PPP2R3A: variants seen among roughly 807,000 people sequenced by gnomAD.
The protein encoded by PPP2R3A is serine/threonine-protein phosphatase 2A regulatory subunit B'' subunit alpha.
In PPP2R3A, 80 loss-of-function variants were observed where a neutral mutation model predicts 106.9. The ratio of observed to expected loss-of-function variants is 0.75; its 90% CI spans 0.62 to 0.90. The LOEUF is 0.90. Ranked by LOEUF, PPP2R3A falls within the 40% of genes least tolerant of loss-of-function variation. The pLI is 0.00. For synonymous variants in PPP2R3A, 483 were observed against 468.3 expected (o/e 1.03, Z -0.41); for missense variants, 1,386 against 1,350.4 (o/e 1.03, Z -0.41).
chr3:136,030,101 C>A (rs1378097408), intron 3 of PPP2R3A, among the ~76,000 whole-genome samples: 4 of 151,966 alleles, frequency 2.6e-5, no homozygotes, highest in Non-Finnish European at 5.9e-5. Flanking sequence ...GCCTGTGGTC[C>A]TAGCTACTCA....
intron 13 of PPP2R3A, among the ~76,000 whole-genome samples, chr3:136,120,053 A>T (rs980483952): frequency 2.0e-5 from 3 of 150,466 alleles, no homozygotes; most frequent in African/African-American, 7.4e-5. Context: ...CGTCCTTTGC[A>T]GGGACATGGA....
At chr3:136,067,913 C>G (rs1936309390) in intron 5 of PPP2R3A, among the ~76,000 whole-genome samples, 1 of 152,012 alleles carries the variant, frequency 6.6e-6, no homozygotes, top group Non-Finnish European at 1.5e-5. Flanking sequence ...TATGAAAGTC[C>G]CCATAAAAAC....
Position 136,075,683 on chromosome 3 carries a change from A to G in PPP2R3A, c.2545-2684A>G, listed in dbSNP as rs533159539. Among the ~76,000 whole-genome samples, 570 of 152,318 alleles carry G rather than the reference A, an allele frequency of 3.7e-3. 1 individual carries two copies. The highest frequency in any genetic ancestry group is 0.01 in the Middle Eastern group (3 of 294). On this transcript the variant is annotated intron_variant, in intron 6 of 13. Transcript: ENST00000264977. ...ATTATAAAGTTTTATAATTTTTAAC[A>G]CAGTAATTTCATAAATAATATAAAG...
intron 3 of PPP2R3A, among the ~76,000 whole-genome samples, chr3:136,037,511 G>A (rs574652265): frequency 1.3e-5 from 2 of 152,264 alleles, no homozygotes; most frequent in East Asian, 3.9e-4. Flanking sequence ...ACCATACAAA[G>A]CCCCGCAGCT....
intron 7 of PPP2R3A, among the ~76,000 whole-genome samples, chr3:136,081,875 A>G (rs1029561016): frequency 6.6e-6 from 1 of 152,156 alleles, no homozygotes; most frequent in Non-Finnish European, 1.5e-5. Flanking sequence ...GTTGATGCCT[A>G]CCCCTCTTAA....
chr3:136,057,315 A>G (rs1263199376), intron 5 of PPP2R3A, among the ~76,000 whole-genome samples: 2 of 152,242 alleles, frequency 1.3e-5, no homozygotes, highest in Non-Finnish European at 2.9e-5. Context: ...TATATACACA[A>G]TGGAATATTA....
intron 7 of PPP2R3A, among the ~76,000 whole-genome samples, chr3:136,081,049 A>T (rs1936765005): frequency 6.6e-6 from 1 of 151,636 alleles, no homozygotes; most frequent in African/African-American, 2.4e-5. Flanking sequence ...GTTGGAGCAC[A>T]GTGGCGCGAT....
chr3:136,041,724 AATAGATTTTAATCATTACCTTTTGAAAG>A (rs1295188393), intron 4 of PPP2R3A, among the ~76,000 whole-genome samples: 1 of 152,234 alleles, frequency 6.6e-6, no homozygotes, highest in Non-Finnish European at 1.5e-5. Flanking sequence ...ACTGAATTCT[AATAGATTTTAATCATTACCTTTTGAAAG>A]CTCCAGTTAA....
At chr3:136,130,749 A>C (rs1400994201) in intron 13 of PPP2R3A, among the ~76,000 whole-genome samples, 1 of 152,226 alleles carries the variant, frequency 6.6e-6, no homozygotes, top group Admixed American at 6.5e-5. Context: ...ATGCTACCTG[A>C]CTTCAAACTA....
In PPP2R3A at chr3:135,998,927, CAG is replaced by C. The variant is rs368613014; in HGVS notation, c.-440-2131_-440-2130del. Among the ~76,000 whole-genome samples, 109 of 152,168 alleles carry C rather than the reference CAG, an allele frequency of 7.2e-4. 1 individual carries two copies. Among genetic ancestry groups the C allele is most frequent in the African/African-American group, 2.4e-3 (98 of 41,532 alleles). The stretch of plus-strand genomic sequence containing the variant: ...TAAAGTATATACATAAGAATATCAA[CAG>C]TGTTTATTTCTGCTTGTGAATATTG... On this transcript the variant is annotated intron_variant, in intron 1 of 13. Coordinates refer to ENST00000264977, the MANE Select transcript of PPP2R3A (RefSeq NM_002718.5).
intron 1 of PPP2R3A, among the ~76,000 whole-genome samples, chr3:135,968,062 T>C (rs541043064): frequency 6.6e-6 from 1 of 152,312 alleles, no homozygotes; most frequent in African/African-American, 2.4e-5. Flanking sequence ...GCCTTAACAC[T>C]AGTGACGCAG....
At chr3:136,094,241 T>C (rs1937165874) in intron 10 of PPP2R3A, among the ~76,000 whole-genome samples, 1 of 152,234 alleles carries the variant, frequency 6.6e-6, no homozygotes, top group Non-Finnish European at 1.5e-5. Context: ...GAATGAGTGC[T>C]AATGGGTATG....
At chr3:136,130,368 C>A (rs1421171623) in intron 13 of PPP2R3A, among the ~76,000 whole-genome samples, 1 of 151,698 alleles carries the variant, frequency 6.6e-6, no homozygotes, top group African/African-American at 2.4e-5. Flanking sequence ...TCCTATCTAC[C>A]AATAACAAAC....
intron 1 of PPP2R3A, among the ~76,000 whole-genome samples, chr3:135,974,959 C>T (rs996561705): frequency 6.6e-6 from 1 of 152,174 alleles, no homozygotes; most frequent in African/African-American, 2.4e-5. Context: ...GGCATATTTC[C>T]TATTTTACAG....
At chr3:136,086,698 A>G (rs1341217071) in intron 8 of PPP2R3A, among the ~76,000 whole-genome samples, 1 of 152,140 alleles carries the variant, frequency 6.6e-6, no homozygotes, top group Non-Finnish European at 1.5e-5. Context: ...TCAGCAAAAT[A>G]TAGAAGGTCT....
At position 135,995,565 on chromosome 3, in the gene PPP2R3A, G is replaced by T. The variant is rs765614157; in HGVS notation, c.-440-5494G>T. ...AGACTCACTGCAGCCTCTGCCTCCCGGGTTCCTTTAATTCTCCTGCCTCAG... is the reference window on the plus strand; with the variant it reads ...AGACTCACTGCAGCCTCTGCCTCCCTGGTTCCTTTAATTCTCCTGCCTCAG... On this transcript the variant is annotated intron_variant, in intron 1 of 13. Transcript: ENST00000264977. Among the ~76,000 whole-genome samples, 13 of 145,374 alleles carry T rather than the reference G, an allele frequency of 8.9e-5. No individual in the cohort carries two copies. In the Admixed American group the frequency reaches 9.3e-4, roughly 10 times the overall value.
chr3:136,083,398 A>G (rs1439173637), intron 8 of PPP2R3A, among the ~76,000 whole-genome samples: 2 of 152,062 alleles, frequency 1.3e-5, no homozygotes, highest in South Asian at 2.1e-4. Context: ...TCCTCTGCAC[A>G]TGCTCTCTTG....
At chr3:136,104,949 T>C (rs1289405274) in intron 12 of PPP2R3A, among the ~76,000 whole-genome samples, 1 of 152,246 alleles carries the variant, frequency 6.6e-6, no homozygotes, top group African/African-American at 2.4e-5. Context: ...AATTTTACTT[T>C]TTTTAATAAA....
intron 1 of PPP2R3A, among the ~76,000 whole-genome samples, chr3:135,980,917 C>T (rs565655868): frequency 6.6e-6 from 1 of 152,002 alleles, no homozygotes; most frequent in South Asian, 2.1e-4. Flanking sequence ...AGGAGGAGCA[C>T]CACCAGGTGT....
Sources: gnomAD v4.1 joint callset for allele counts (sites outside exome capture counted in the v4.1 genomes callset) on GRCh38, gnomAD v4.1.1 for gene constraint, MANE v1.5 for transcripts, NCBI Gene and HGNC (gene_info 2026-07-23, HGNC 2026-07-21) for gene names.